The following AGTPBP1 variants were observed in gnomAD, a reference collection of about 807,000 sequenced individuals.
AGTPBP1 encodes cytosolic carboxypeptidase 1.
A neutral mutation model predicts 143.9 loss-of-function variants in AGTPBP1; 70 were observed. The observed-to-expected ratio is 0.49, with a 90% CI of 0.40 to 0.59. The LOEUF (loss-of-function observed/expected upper bound fraction) is 0.59. AGTPBP1 is among the 20% of genes least tolerant of loss of function. The pLI, the probability that AGTPBP1 is intolerant of heterozygous loss-of-function variation, is 0.00. For synonymous variants in AGTPBP1, 463 were observed against 500.2 expected, an observed-to-expected ratio of 0.93 and a Z score of 0.99; for missense variants, 1,229 against 1,464.5, an observed-to-expected ratio of 0.84 and a Z score of 2.62.
chr9:85,731,458 G>GTGTT (rs933391277), intron 1 of AGTPBP1, among the ~76,000 whole-genome samples: 7 of 151,810 alleles, frequency 4.6e-5, no homozygotes, highest in South Asian at 2.1e-4. Context: ...TTTTTTGTGT[G>GTGTT]TGTTTGTTTG....
chr9:85,635,078 T>G (rs1048604452), intron 13 of AGTPBP1, among the ~76,000 whole-genome samples: 4 of 152,238 alleles, frequency 2.6e-5, no homozygotes, highest in African/African-American at 4.8e-5. Flanking sequence ...CAATTCTTCA[T>G]AGGTAACTTT....
the AGTPBP1 span, among the ~76,000 whole-genome samples, chr9:85,751,133 T>C: frequency 0.048 from 7,258 of 152,264 alleles, 287 homozygotes; most frequent in African/African-American, 0.11. Context: ...TACCTTTACT[T>C]ATCATCCCCC....
At chr9:85,550,225 T>C (rs746591937) in intron 25 of AGTPBP1, among the ~76,000 whole-genome samples, 8 of 149,950 alleles carry the variant, frequency 5.3e-5, no homozygotes, top group Admixed American at 4.0e-4. Flanking sequence ...GAGAAAGATA[T>C]CAGGGGATCT....
intron 3 of AGTPBP1, among the ~76,000 whole-genome samples, chr9:85,691,852 C>T (rs529047634): frequency 2.2e-4 from 34 of 152,206 alleles, no homozygotes; most frequent in Admixed American, 3.9e-4. Flanking sequence ...CTATTACCAT[C>T]ACAAAATATA....
At chr9:85,589,741 A>T in intron 19 of AGTPBP1, 60 bp from the exon 20 acceptor site, 3 of 1,450,854 alleles carry the variant, frequency 2.1e-6, no homozygotes, top group Non-Finnish European at 2.8e-6. Flanking sequence ...TGATATACAG[A>T]AATAATGCAT....
At chr9:85,580,255 ACTCT>A (rs1220643020) in intron 23 of AGTPBP1, among the ~76,000 whole-genome samples, 1 of 149,928 alleles carries the variant, frequency 6.7e-6, no homozygotes, top group Non-Finnish European at 1.5e-5. Context: ...AAAAAAAAGA[ACTCT>A]CTCTATATAT....
upstream of AGTPBP1, chr9:85,742,022 A>C (rs1233749531): frequency 8.3e-7 from 1 of 1,200,034 alleles, no homozygotes; most frequent in South Asian, 4.1e-5. Context: ...GGCTCCCAGC[A>C]CGCGCAGGGA....
At chr9:85,786,273 C>T in the AGTPBP1 span, 2 of 1,595,410 alleles carry the variant, frequency 1.3e-6, no homozygotes, top group Non-Finnish European at 8.6e-7. Context: ...GGGAAGATAT[C>T]CCAGAATTAC....
intron 17 of AGTPBP1, among the ~76,000 whole-genome samples, chr9:85,607,580 G>C (rs1279187956): frequency 6.6e-6 from 1 of 152,082 alleles, no homozygotes; most frequent in Non-Finnish European, 1.5e-5. Context: ...GCTTAAAACT[G>C]TAAATTTTTT....
chr9:85,720,142 C>A (rs947948359), intron 1 of AGTPBP1, among the ~76,000 whole-genome samples: 2 of 152,170 alleles, frequency 1.3e-5, no homozygotes, highest in Non-Finnish European at 2.9e-5. Flanking sequence ...TGTGTCTCTG[C>A]CAGCCTTTAG....
chr9:85,779,074 A>G, the AGTPBP1 span, among the ~76,000 whole-genome samples: 1 of 151,970 alleles, frequency 6.6e-6, no homozygotes, highest in Admixed American at 6.6e-5. Flanking sequence ...CCCAAAACCA[A>G]CAAAAGAACT....
chr9:85,684,226 T>C (rs1251201258), intron 3 of AGTPBP1, among the ~76,000 whole-genome samples: 6 of 152,118 alleles, frequency 3.9e-5, no homozygotes, highest in Admixed American at 3.3e-4. Context: ...TTTTCCTCAT[T>C]AAAATGAAGC....
At chr9:85,679,004 ATATTTAGGTTGC>A in intron 4 of AGTPBP1, among the ~76,000 whole-genome samples, 1 of 152,200 alleles carries the variant, frequency 6.6e-6, no homozygotes, top group Non-Finnish European at 1.5e-5. Context: ...TACCCATGAA[ATATTTAGGTTGC>A]TTTTAATATT....
At chr9:85,574,618 TG>T (rs988484255) in intron 25 of AGTPBP1, among the ~76,000 whole-genome samples, 5 of 152,186 alleles carry the variant, frequency 3.3e-5, no homozygotes, top group African/African-American at 1.2e-4. Flanking sequence ...CTAAATTAGC[TG>T]TTTCTGATAT....
chr9:85,572,006 T>G (rs199566946), intron 25 of AGTPBP1, among the ~76,000 whole-genome samples: 272 of 13,538 alleles, frequency 0.02, 3 homozygotes, highest in African/African-American at 0.15. Context: ...TTGTGTGTGT[T>G]TTTTTTTTTT....
chr9:85,772,121 G>A, the AGTPBP1 span, among the ~76,000 whole-genome samples: 5 of 151,648 alleles, frequency 3.3e-5, no homozygotes, highest in South Asian at 2.1e-4. Context: ...GATTACAGGC[G>A]TGTGCTGCCA....
intron 2 of AGTPBP1, among the ~76,000 whole-genome samples, chr9:85,709,959 C>T (rs1478171690): frequency 6.6e-6 from 1 of 152,092 alleles, no homozygotes; most frequent in Non-Finnish European, 1.5e-5. Flanking sequence ...TTAAATTCAG[C>T]AATTCTGAAT....
intron 12 of AGTPBP1, among the ~76,000 whole-genome samples, chr9:85,643,652 C>T (rs1032432194): frequency 2.6e-5 from 4 of 152,118 alleles, no homozygotes; most frequent in Non-Finnish European, 5.9e-5. Context: ...GAAATGATTT[C>T]CATGTCTCTC....
chr9:85,700,509 T>C (rs1836573496), intron 2 of AGTPBP1, among the ~76,000 whole-genome samples: 1 of 152,018 alleles, frequency 6.6e-6, no homozygotes, highest in Admixed American at 6.5e-5. Context: ...TCAAAGAAAA[T>C]ACAGTACAAC....
Sources: gnomAD v4.1 joint callset for allele counts (sites outside exome capture counted in the v4.1 genomes callset) on GRCh38, gnomAD v4.1.1 for gene constraint, MANE v1.5 for transcripts, NCBI Gene and HGNC (gene_info 2026-07-23, HGNC 2026-07-21) for gene names.